TCF20: variants seen among roughly 807,000 people sequenced by gnomAD.
The protein encoded by TCF20 is transcription factor 20.
In TCF20, 3 loss-of-function variants were observed where a neutral mutation model predicts 148.6. The ratio of observed to expected loss-of-function variants is 0.02; its 90% CI spans 0.01 to 0.05. The LOEUF is 0.05. TCF20 is among the 10% of genes least tolerant of loss of function. The probability of loss-of-function intolerance (pLI) is 1.00; values close to 1 mark genes in which losing one functional copy is unlikely to be tolerated. For missense variants in TCF20, 2,350 were observed against 2,429.3 expected, an observed-to-expected ratio of 0.97 and a Z score of 0.69; for synonymous variants, 1,049 against 909.5, an observed-to-expected ratio of 1.15 and a Z score of -2.76.
chr22:42,270,791 C>T (rs899168674), upstream of TCF20, among the ~76,000 whole-genome samples: 4 of 145,998 alleles, frequency 2.7e-5, no homozygotes, highest in African/African-American at 9.9e-5. Context: ...CGCGTGCCCA[C>T]CCGCGTGCGG....
chr22:42,269,316 G>A lies in TCF20; in HGVS notation c.-37+1023C>T, dbSNP rs181057533. 7.7e-3 allele frequency among the ~76,000 whole-genome samples: 1,170 copies of A among 152,200 alleles called. 5 individuals carry two copies. Among genetic ancestry groups the A allele is most frequent in the Non-Finnish European group, 0.013 (853 of 67,996 alleles). On this transcript the variant is annotated intron_variant, in intron 1 of 5. Transcript: ENST00000677622. ...TCTTCGAGGAAAAAAAAGCAAAAAG[G>A]AAAAGGGGGAAATCCTAATTTTGAC...
In TCF20 at chr22:42,161,298, C is replaced by A; in HGVS notation, c.*105G>T. ...CGGGGCAGGGCAGGGTGTGGCTGCA[C>A]GGTAGGACGATTTCCATTCCATCAC... On this transcript the variant is annotated 3_prime_UTR_variant, in exon 6 of 6. Coordinates refer to ENST00000677622, the MANE Select transcript of TCF20 (RefSeq NM_001378418.1). The A allele has an allele frequency of 6.2e-7, 1 of 1,613,070 alleles. No individual in the cohort carries two copies.
In TCF20 at chr22:42,279,151, A is replaced by T. The variant is rs1223937043; in HGVS notation, c.-37+4676T>A. On this transcript the variant is annotated intron_variant, in intron 1 of 5. Transcript: ENST00000359486. The surrounding 1 kb of genome is among the most constrained non-coding windows in gnomAD (Gnocchi z 4.3). ...AGGCTTCCTTTACCCGTCCTGCCTC[A>T]GATGGACTCCCAGCATCATCATCTG... Among the ~76,000 whole-genome samples, 1 of 152,164 alleles carries T rather than the reference A, an allele frequency of 6.6e-6. No individual in the cohort carries two copies. Among genetic ancestry groups the T allele is most frequent in the Non-Finnish European group, 1.5e-5 (1 of 68,016 alleles).
chr22:42,328,206 C>A (rs895510722), intron 1 of TCF20, among the ~76,000 whole-genome samples: 2 of 152,104 alleles, frequency 1.3e-5, no homozygotes, highest in Non-Finnish European at 2.9e-5. Flanking sequence ...GAGAACCACA[C>A]GTCTCTAGCT....
At chr22:42,293,580 T>A (rs1003425328) in intron 1 of TCF20, among the ~76,000 whole-genome samples, 1 of 152,156 alleles carries the variant, frequency 6.6e-6, no homozygotes, top group Admixed American at 6.5e-5. Flanking sequence ...TAAGGGGGTA[T>A]CTTCAGGCTA....
intron 1 of TCF20, among the ~76,000 whole-genome samples, chr22:42,318,457 C>T (rs1019609967): frequency 2.6e-5 from 4 of 152,114 alleles, no homozygotes; most frequent in Admixed American, 6.5e-5. Flanking sequence ...TGCGGCGCAG[C>T]GGAACGGTAA....
chr22:42,272,835 C>A (rs1231187993), upstream of TCF20, among the ~76,000 whole-genome samples: 1 of 152,202 alleles, frequency 6.6e-6, no homozygotes, highest in African/African-American at 2.4e-5. Context: ...TCACTTCCCC[C>A]TTTGGTTTCC....
chr22:42,219,079 C>T (rs1416440935), intron 1 of TCF20, among the ~76,000 whole-genome samples: 1 of 151,788 alleles, frequency 6.6e-6, no homozygotes, highest in Non-Finnish European at 1.5e-5. Flanking sequence ...AAATGTAAAC[C>T]TGGAGCTATA....
chr22:42,306,327 G>A (rs1189170340), intron 1 of TCF20, among the ~76,000 whole-genome samples: 1 of 152,234 alleles, frequency 6.6e-6, no homozygotes, highest in Non-Finnish European at 1.5e-5. Flanking sequence ...GGCTGCAGCC[G>A]CCCTGCCAGG....
intron 1 of TCF20, among the ~76,000 whole-genome samples, chr22:42,250,463 AAAAAAG>A (rs1413404830): frequency 6.6e-6 from 1 of 151,198 alleles, no homozygotes; most frequent in Non-Finnish European, 1.5e-5. Flanking sequence ...AAAAAAAAAA[AAAAAAG>A]GTGAACCTTC....
chr22:42,256,279 G>C (rs1601670049), intron 1 of TCF20, among the ~76,000 whole-genome samples: 1 of 152,172 alleles, frequency 6.6e-6, no homozygotes, highest in African/African-American at 2.4e-5. Flanking sequence ...CTAAGGAAAA[G>C]TGAAGTGTTT....
At chr22:42,224,948 T>G (rs953857648) in intron 1 of TCF20, among the ~76,000 whole-genome samples, 1 of 152,080 alleles carries the variant, frequency 6.6e-6, no homozygotes, top group Non-Finnish European at 1.5e-5. Context: ...GTGGAAGTAT[T>G]TTTTCCCCTT....
chr22:42,321,804 G>A (rs939828929), intron 1 of TCF20, among the ~76,000 whole-genome samples: 1 of 151,534 alleles, frequency 6.6e-6, no homozygotes. Flanking sequence ...AAAATTAGCT[G>A]GTCATGGTGG....
At chr22:42,164,834 G>C (rs1048243841) in intron 5 of TCF20, among the ~76,000 whole-genome samples, 1 of 152,220 alleles carries the variant, frequency 6.6e-6, no homozygotes, top group East Asian at 1.9e-4. Flanking sequence ...GGGAGCCAAA[G>C]TGTTTCCAGC....
intron 3 of TCF20, among the ~76,000 whole-genome samples, chr22:42,174,839 T>C (rs750855734): frequency 8.6e-5 from 13 of 151,936 alleles, no homozygotes; most frequent in South Asian, 2.1e-4. Flanking sequence ...ATCGAGACCA[T>C]CCCGGCTAAC....
chr22:42,167,761 C>G (rs753158537), intron 5 of TCF20, among the ~76,000 whole-genome samples: 1 of 152,094 alleles, frequency 6.6e-6, no homozygotes, highest in Non-Finnish European at 1.5e-5. Flanking sequence ...TCACTGTGGC[C>G]CAGGCTGGAA....
rs1358133351 is a variant in TCF20, at chr22:42,215,241, T to C, written c.65A>G (p.His22Arg). 1.2e-6 allele frequency: 2 copies of C among 1,614,198 alleles called. No individual in the cohort carries two copies. The highest frequency in any genetic ancestry group is 1.7e-5 in the Admixed American group (1 of 60,014). The change falls in exon 2 of 6, where the codon CAC (histidine) becomes CGC (arginine). Residue 22 changes from histidine (H) to arginine (R), a missense_variant. This residue lies in a region of TCF20 where 1,641 missense variants were observed against 1,662.6 expected (regional missense o/e 0.99). Coordinates refer to ENST00000677622, the MANE Select transcript of TCF20 (RefSeq NM_001378418.1). ...GNQQSYPQEV[H>R]GSSRLEEFSP... ...GAACTCTTCTAGCCGGGATGAGCCG[T>C]GTACCTCCTGTGGGTAGCTTTGCTG...
intron 1 of TCF20, among the ~76,000 whole-genome samples, chr22:42,306,481 C>T (rs1456732112): frequency 6.6e-6 from 1 of 152,238 alleles, no homozygotes; most frequent in Non-Finnish European, 1.5e-5. Flanking sequence ...GAGAAACTTC[C>T]TTTGCCCTCC....
intron 1 of TCF20, among the ~76,000 whole-genome samples, chr22:42,282,486 T>C (rs1193990106): frequency 1.3e-5 from 2 of 152,110 alleles, no homozygotes; most frequent in Admixed American, 1.3e-4. Context: ...TTTGCCAACC[T>C]CCAGGCCAGC....
Sources: allele counts gnomAD v4.1 joint callset (sites outside exome capture counted in the v4.1 genomes callset), GRCh38; gene constraint gnomAD v4.1.1; regional missense constraint gnomAD v4.1.1; non-coding constraint Gnocchi (gnomAD v3.1); transcripts MANE v1.5; gene names NCBI Gene and HGNC (gene_info 2026-07-23, HGNC 2026-07-21).